Variants in LY96 observed in about 807,000 individuals in gnomAD.
LY96 encodes the protein myeloid differentiation protein-2.
In LY96, 18 loss-of-function variants were observed where a neutral mutation model predicts 18.9. The observed-to-expected ratio is 0.95, with a 90% CI of 0.66 to 1.41. The LOEUF is 1.41. Ranked by LOEUF, LY96 falls within the 40% of genes most tolerant of loss-of-function variation. The probability of loss-of-function intolerance (pLI) is 0.00; values close to 1 mark genes in which losing one functional copy is unlikely to be tolerated. For missense variants in LY96, 175 were observed against 182.4 expected (o/e 0.96, Z 0.23); for synonymous variants, 66 against 62.6 (o/e 1.06, Z -0.26).
At chr8:74,087,412 T>C in the LY96 span, among the ~76,000 whole-genome samples, 3 of 152,224 alleles carry the variant, frequency 2.0e-5, no homozygotes, top group East Asian at 3.9e-4. Flanking sequence ...AGAAAGGAAA[T>C]TGTATTTTAT....
chr8:74,081,169 CT>C, the LY96 span, among the ~76,000 whole-genome samples: 1 of 138,916 alleles, frequency 7.2e-6, no homozygotes, highest in Non-Finnish European at 1.6e-5. Flanking sequence ...TTCTTTCCTT[CT>C]TTCTTTCTTT....
At chr8:74,006,254 G>C (rs1209244217) in intron 2 of LY96, among the ~76,000 whole-genome samples, 1 of 152,070 alleles carries the variant, frequency 6.6e-6, no homozygotes, top group Non-Finnish European at 1.5e-5. Flanking sequence ...GAGTACAGTG[G>C]CATGATCTCG....
At chr8:74,056,410 T>C in the LY96 span, 26 of 239,792 alleles carry the variant, frequency 1.1e-4, no homozygotes, top group Non-Finnish European at 1.3e-4. Flanking sequence ...AAAGAGACAA[T>C]CAATAAATTG....
At chr8:74,004,947 T>C (rs1816381639) in intron 2 of LY96, 62 bp downstream of exon 2, 2 of 1,509,510 alleles carry the variant, frequency 1.3e-6, no homozygotes, top group Non-Finnish European at 9.1e-7. Flanking sequence ...CAGTGATAAA[T>C]GATTGTGTTT....
chr8:74,037,371 G>A, the LY96 span, among the ~76,000 whole-genome samples: 4 of 152,180 alleles, frequency 2.6e-5, no homozygotes, highest in East Asian at 7.7e-4. Flanking sequence ...GGTCATGCCT[G>A]TAAACCCAGC....
the LY96 span, among the ~76,000 whole-genome samples, chr8:74,049,856 A>G: frequency 6.6e-6 from 1 of 152,134 alleles, no homozygotes; most frequent in Non-Finnish European, 1.5e-5. Flanking sequence ...AATAAGTTTA[A>G]TTTAGACTTG....
intron 2 of LY96, among the ~76,000 whole-genome samples, chr8:74,005,240 C>T (rs552935795): frequency 6.6e-5 from 10 of 152,320 alleles, no homozygotes; most frequent in African/African-American, 1.7e-4. Flanking sequence ...GTTGGCCACC[C>T]GTCAGTTCCT....
At chr8:74,037,817 A>T in the LY96 span, among the ~76,000 whole-genome samples, 51 of 152,264 alleles carry the variant, frequency 3.3e-4, no homozygotes, top group African/African-American at 1.2e-3. Context: ...GTTGATTCAC[A>T]GCTAAATTGT....
At chr8:74,052,079 AAG>A in the LY96 span, among the ~76,000 whole-genome samples, 8 of 152,214 alleles carry the variant, frequency 5.3e-5, no homozygotes, top group African/African-American at 1.9e-4. Flanking sequence ...ATAAAAGAAA[AAG>A]AAAAATACTT....
chr8:74,066,956 A>G, the LY96 span, among the ~76,000 whole-genome samples: 9 of 152,230 alleles, frequency 5.9e-5, no homozygotes, highest in Non-Finnish European at 8.8e-5. Context: ...AACAAAGAGA[A>G]CAGTGGCTAC....
the LY96 span, among the ~76,000 whole-genome samples, chr8:74,067,544 G>GTGACTCCATTTTGAGTTT: frequency 7.2e-6 from 1 of 138,716 alleles, no homozygotes; most frequent in South Asian, 2.1e-4. Context: ...GTTAGAGTTT[G>GTGACTCCATTTTGAGTTT]ACACAGTGAC....
At chr8:74,043,936 C>T in the LY96 span, among the ~76,000 whole-genome samples, 692 of 152,220 alleles carry the variant, frequency 4.5e-3, 3 homozygotes, top group African/African-American at 0.016. Context: ...CAGGCTCAAG[C>T]GATCTTCCCG....
chr8:74,030,098 C>G (rs1816945120), downstream of LY96, among the ~76,000 whole-genome samples: 1 of 152,196 alleles, frequency 6.6e-6, no homozygotes, highest in South Asian at 2.1e-4. Context: ...AGCTTGAGGA[C>G]TGCATCCTGG....
At chr8:74,002,728 C>T (rs906601783) in intron 1 of LY96, among the ~76,000 whole-genome samples, 6 of 147,854 alleles carry the variant, frequency 4.1e-5, no homozygotes, top group South Asian at 2.2e-4. Flanking sequence ...CATGCCACCA[C>T]GCCCAGCTAA....
chr8:74,076,451 G>C, the LY96 span, among the ~76,000 whole-genome samples: 10 of 151,778 alleles, frequency 6.6e-5, no homozygotes, highest in African/African-American at 2.2e-4. Flanking sequence ...AGCCTCCCTA[G>C]TAGCTGGGAT....
the LY96 span, among the ~76,000 whole-genome samples, chr8:74,061,556 C>T: frequency 6.6e-6 from 1 of 152,150 alleles, no homozygotes; most frequent in African/African-American, 2.4e-5. Flanking sequence ...AGATCTGTTG[C>T]ACAGCAGGGT....
intron 3 of LY96, among the ~76,000 whole-genome samples, chr8:74,013,570 G>A (rs1816576270): frequency 6.6e-6 from 1 of 152,134 alleles, no homozygotes; most frequent in African/African-American, 2.4e-5. Flanking sequence ...TTACAGGTGT[G>A]AGCCATTGCT....
downstream of LY96, among the ~76,000 whole-genome samples, chr8:74,031,649 A>G (rs1024059311): frequency 1.9e-4 from 28 of 149,760 alleles, no homozygotes; most frequent in African/African-American, 6.9e-4. Context: ...AAAAAAAAAA[A>G]GTAATTTTTT....
At chr8:74,071,571 C>G in the LY96 span, among the ~76,000 whole-genome samples, 23 of 152,230 alleles carry the variant, frequency 1.5e-4, 1 homozygote, top group African/African-American at 5.3e-4. Context: ...ACCACTTCTC[C>G]ACCCAAGACT....
Sources: gnomAD v4.1 joint callset for allele counts (sites outside exome capture counted in the v4.1 genomes callset) on GRCh38, gnomAD v4.1.1 for gene constraint, MANE v1.5 for transcripts, NCBI Gene and HGNC (gene_info 2026-07-23, HGNC 2026-07-21) for gene names.